The following FCRL5 variants were observed in gnomAD, a reference collection of about 807,000 sequenced individuals.
FCRL5 encodes Fc receptor-like protein 5.
Under a neutral mutation model 92.1 loss-of-function variants are expected in FCRL5, and 79 were observed. The observed-to-expected ratio is 0.86, with a 90% CI of 0.72 to 1.03. FCRL5 has a LOEUF of 1.03. FCRL5 is among the 50% of genes least tolerant of loss of function. The pLI is 0.00. For synonymous variants in FCRL5, 466 were observed against 469.3 expected (o/e 0.99, Z 0.09); for missense variants, 1,160 against 1,181.1 (o/e 0.98, Z 0.26).
chr1:157,546,093 A>T (rs1571111426), intron 3 of FCRL5: 1 of 271,228 alleles, frequency 3.7e-6, no homozygotes, highest in Non-Finnish European at 7.4e-6. Flanking sequence ...TGCATTATCT[A>T]CCCATAAGTA....
Position 157,544,999 on chromosome 1 carries a change from G to A in FCRL5, c.391C>T (p.Leu131=), listed in dbSNP as rs1177071754. The A allele has an allele frequency of 6.2e-7, 1 of 1,613,916 alleles. No individual in the cohort carries two copies. Among genetic ancestry groups the A allele is most frequent in the African/African-American group, 1.3e-5 (1 of 74,914 alleles). ...LRCRAKAEVT[L]NNTIYKNDNV... is the part of the protein sequence containing the mutation. ...TCATTCTTGTAAATAGTATTATTCA[G>A]TGTTACTTCCGCCTTTGCCCGGCAC... The change falls in exon 4 of 17, where the codon CTG becomes TTG. Residue 131 remains leucine, a synonymous_variant. Transcript: ENST00000361835.
In FCRL5 at chr1:157,524,507, C is replaced by T; in HGVS notation, c.2011G>A (p.Val671Met). ...LTFRAPRAQA[V>M]VGDLLELHCE... ...TGAAGCTCCAGCAGGTCCCCCACCA[C>T]AGCCTGGGCCCTGGGAGCCCTGAAG... The change falls in exon 10 of 17, where the codon GTG becomes ATG. Residue 671 changes from valine to methionine, a missense_variant. Val to Met is a conservative substitution (Grantham distance 21). Coordinates refer to ENST00000361835, the MANE Select transcript of FCRL5 (RefSeq NM_031281.3). The T allele has an allele frequency of 6.2e-7, 1 of 1,613,730 alleles. No homozygotes were observed. Among genetic ancestry groups the T allele is most frequent in the South Asian group, 1.1e-5 (1 of 91,052 alleles).
In FCRL5 at chr1:157,543,900, A is replaced by G. The variant is rs116645172; in HGVS notation, c.844+362T>C. On this transcript the variant is annotated intron_variant, in intron 5 of 16. Transcript: ENST00000361835. Reference sequence around the variant, plus strand: ...TTGGTTATTGTCAATAAGTAATGTTAATTGGGACAACAGATACCTCTGTAC... The same window carrying G: ...TTGGTTATTGTCAATAAGTAATGTTGATTGGGACAACAGATACCTCTGTAC... Among the ~76,000 whole-genome samples the G allele has an allele frequency of 4.8e-3, 727 of 152,272 alleles. 4 individuals carry two copies. Among genetic ancestry groups the G allele is most frequent in the African/African-American group, 0.017 (695 of 41,536 alleles).
rs771442453 is a variant in FCRL5, at chr1:157,544,298, T to G, written c.808A>C (p.Ile270Leu). The change falls in exon 5 of 17, where the codon ATA becomes CTA. Residue 270 changes from isoleucine to leucine, a missense_variant. Ile to Leu is a conservative substitution (Grantham distance 5). Coordinates refer to ENST00000361835, the MANE Select transcript of FCRL5 (RefSeq NM_031281.3). ...ATCCAGGATCTCGGGCTGTCAGATA[T>G]GACGCTGTAAGGCATTGTTGCTGCC... is the stretch of plus-strand genomic sequence containing the variant. ...CKAATMPYSV[I>L]SDSPRSWIQV... is the part of the protein sequence containing the mutation. 1.2e-6 allele frequency: 2 copies of G among 1,614,216 alleles called. No individual in the cohort carries two copies. The highest frequency in any genetic ancestry group is 2.2e-5 in the South Asian group (2 of 91,090).
In FCRL5 at chr1:157,549,555, C is replaced by T; in HGVS notation, c.52+5G>A. ...CGCTGAAGAGCCAAAGACAGGAGAA[C>T]TCACCAAACTGTCCACTGACAGGAG... is the stretch of plus-strand genomic sequence containing the variant. On this transcript the variant is annotated splice_donor_5th_base_variant and intron_variant, in intron 2 of 16. Transcript: ENST00000361835. The T allele has an allele frequency of 1.2e-6, 2 of 1,612,050 alleles. No homozygotes were observed.
At chr1:157,530,591 C>G (rs1241294579) in intron 8 of FCRL5, among the ~76,000 whole-genome samples, 1 of 152,226 alleles carries the variant, frequency 6.6e-6, no homozygotes, top group Non-Finnish European at 1.5e-5. Context: ...AACTCCCAAC[C>G]TCAGGTGATC....
chr1:157,528,688 G>A (rs958240737), intron 8 of FCRL5: 1 of 152,048 alleles, frequency 6.6e-6, no homozygotes, highest in African/African-American at 2.4e-5. Flanking sequence ...TTTGATAAAG[G>A]AAACAAAAAT....
In FCRL5 at chr1:157,549,436, A is replaced by T. The variant is rs527969074; in HGVS notation, c.52+124T>A. 151 of 865,950 alleles carry T rather than the reference A, an allele frequency of 1.7e-4. 1 individual carries two copies. Among genetic ancestry groups the T allele is most frequent in the African/African-American group, 1.1e-3 (65 of 57,960 alleles). The allele number at this position is 865,950 out of a possible 1,614,324, so 53.6% of individuals were successfully genotyped here. A position where few individuals can be genotyped will look rare whatever the true frequency, so the allele number is the denominator to read the frequency against. On this transcript the variant is annotated intron_variant, in intron 2 of 16. Coordinates refer to ENST00000361835, the MANE Select transcript of FCRL5 (RefSeq NM_031281.3). ...TGTACCCTAAAACTTAAAGTATAAT[A>T]AAAAAAAGGAAAGAAAACAGGAGAT...
chr1:157,547,238 T>C (rs745473385), intron 2 of FCRL5, 41 bp from the exon 3 acceptor site: 2 of 1,608,084 alleles, frequency 1.2e-6, no homozygotes, highest in Non-Finnish European at 1.7e-6. Flanking sequence ...TGGAGGCGCC[T>C]GCAGACCCAG....
At chr1:157,517,465 G>A (rs1050628734) in intron 15 of FCRL5, among the ~76,000 whole-genome samples, 10 of 152,156 alleles carry the variant, frequency 6.6e-5, no homozygotes, top group African/African-American at 2.4e-4. Flanking sequence ...TTATCCAGAT[G>A]GGCCCAATAT....
At chr1:157,528,658 ATACT>A (rs751166231) in intron 8 of FCRL5, 3 of 152,210 alleles carry the variant, frequency 2.0e-5, no homozygotes, top group Non-Finnish European at 4.4e-5. Flanking sequence ...ATAAAGCCAA[ATACT>A]TACAGCCAAC....
intron 7 of FCRL5, among the ~76,000 whole-genome samples, chr1:157,538,333 G>A (rs532255245): frequency 8.5e-5 from 13 of 152,304 alleles, no homozygotes; most frequent in Admixed American, 2.6e-4. Context: ...GACCAACCAA[G>A]ACTGGACTCT....
intron 8 of FCRL5, among the ~76,000 whole-genome samples, chr1:157,529,370 A>G (rs1298809512): frequency 6.6e-6 from 1 of 152,244 alleles, no homozygotes; most frequent in East Asian, 1.9e-4. Flanking sequence ...TATTACAACC[A>G]CTATGAAAAC....
rs958789727 is a variant in FCRL5 at position 157,524,310 on chromosome 1, C to T, written c.2208G>A (p.Gln736=). The change falls in exon 10 of 17, where the codon CAG becomes CAA. Residue 736 remains glutamine (Q), a synonymous_variant. Coordinates refer to ENST00000361835, the MANE Select transcript of FCRL5 (RefSeq NM_031281.3). The part of the protein sequence containing the change: ...SCEADNGLEA[Q]RSEMVTLKVA... ...CTTTCAGTGTCACCATCTCACTGCGCTGGGCCTCCAGACCATTGTCTGCCT... is the reference window on the plus strand; with the variant it reads ...CTTTCAGTGTCACCATCTCACTGCGTTGGGCCTCCAGACCATTGTCTGCCT... 5.6e-6 allele frequency: 9 copies of T among 1,614,180 alleles called. No individual in the cohort carries two copies. The highest frequency in any genetic ancestry group is 7.6e-6 in the Non-Finnish European group (9 of 1,180,068).
chr1:157,519,766 T>A lies in FCRL5; in HGVS notation c.2637A>T (p.Arg879Ser). Residue 879 changes from arginine (R) to serine (S), a missense_variant, in exon 13 of 17, where the codon AGA (arginine) becomes AGT (serine). Arg to Ser is a moderately radical substitution (Grantham distance 110). Transcript: ENST00000361835. ...ACCTGGCGGGGTCAGAGGCAGGCTT[T>A]CTCCCTGTAAAGGAAAGCAGAGGAG... ...LYCWLSRKAG[R>S]KPASDPARSP... The A allele has an allele frequency of 6.2e-7, 1 of 1,613,972 alleles. No homozygotes were observed. Among genetic ancestry groups the A allele is most frequent in the Non-Finnish European group, 8.5e-7 (1 of 1,179,992 alleles).
intron 8 of FCRL5, chr1:157,532,129 A>G (rs1264285509): frequency 6.6e-6 from 1 of 152,230 alleles, no homozygotes; most frequent in Non-Finnish European, 1.5e-5. Context: ...GAAAAGGTTG[A>G]ACCAATTTAC....
rs575867530 is a variant in FCRL5, at chr1:157,538,532, C to T, written c.1402+554G>A. On this transcript the variant is annotated intron_variant, in intron 7 of 16. Transcript: ENST00000361835. ...AAGCAAGTAGAGGTTAAGCTGTCTC[C>T]TGACCTGCCCTCAGCCCACTGCTGT... is the stretch of plus-strand genomic sequence containing the variant. 2.6e-5 allele frequency among the ~76,000 whole-genome samples: 4 copies of T among 152,330 alleles called. No homozygotes were observed. The East Asian group carries it at 7.7e-4, about 29-fold the overall frequency.
intron 2 of FCRL5, 77 bp from the exon 3 acceptor site, chr1:157,547,274 T>C: frequency 6.4e-7 from 1 of 1,566,090 alleles, no homozygotes; most frequent in Non-Finnish European, 8.7e-7. Context: ...CTGCATAGCC[T>C]GAAGGACCTG....
chr1:157,537,793 G>T (rs1651039283), intron 7 of FCRL5, among the ~76,000 whole-genome samples: 1 of 152,134 alleles, frequency 6.6e-6, no homozygotes, highest in African/African-American at 2.4e-5. Context: ...AAATAGAAAA[G>T]AACCTATGTA....
Sources: gnomAD v4.1 joint callset for allele counts (sites outside exome capture counted in the v4.1 genomes callset) on GRCh38, gnomAD v4.1.1 for gene constraint, MANE v1.5 for transcripts, NCBI Gene and HGNC (gene_info 2026-07-23, HGNC 2026-07-21) for gene names.